Variants in UBR3 observed in about 807,000 individuals in gnomAD.
The protein encoded by UBR3 is ubiquitin protein ligase E3 component n-recognin 3.
Under a neutral mutation model 243.2 loss-of-function variants are expected in UBR3, and 85 were observed. The ratio of observed to expected loss-of-function variants is 0.35; its 90% confidence interval spans 0.29 to 0.42. The LOEUF is 0.42. Ranked by LOEUF, UBR3 falls within the 10% of genes least tolerant of loss-of-function variation. The pLI, the probability that UBR3 is intolerant of heterozygous loss-of-function variation, is 1.00. For synonymous variants in UBR3, 748 were observed against 799.8 expected (o/e 0.94, Z 1.09); for missense variants, 1,686 against 2,300.8 (o/e 0.73, Z 5.47).
At chr2:170,006,897 A>G (rs1380755269) in intron 27 of UBR3, 93 bp from the exon 28 acceptor site, 19 of 1,049,754 alleles carry the variant, frequency 1.8e-5, no homozygotes, top group Middle Eastern at 2.2e-4. Context: ...TCTTTTTTCT[A>G]TGGTTTATTA....
chr2:169,887,799 G>A (rs1363921526), intron 5 of UBR3, among the ~76,000 whole-genome samples: 5 of 147,310 alleles, frequency 3.4e-5, no homozygotes, highest in Admixed American at 6.8e-5. Flanking sequence ...TTTTTGAGAC[G>A]GAGTTTTGCT....
chr2:169,856,121 C>T (rs1393798876), intron 1 of UBR3, among the ~76,000 whole-genome samples: 4 of 147,408 alleles, frequency 2.7e-5, no homozygotes, highest in African/African-American at 7.8e-5. Context: ...CAGACGGGGG[C>T]AGCCGGTCAG....
intron 32 of UBR3, among the ~76,000 whole-genome samples, chr2:170,041,806 A>G (rs1224812220): frequency 6.6e-6 from 1 of 152,188 alleles, no homozygotes; most frequent in Non-Finnish European, 1.5e-5. Flanking sequence ...CCTTTTACCT[A>G]AGGGTGTGAA....
chr2:170,004,237 A>T (rs1334551811), intron 27 of UBR3, among the ~76,000 whole-genome samples: 1 of 152,166 alleles, frequency 6.6e-6, no homozygotes, highest in Non-Finnish European at 1.5e-5. Flanking sequence ...ATAGATTTGA[A>T]ATATATTTAG....
At chr2:169,925,465 A>AAATGT in intron 13 of UBR3, among the ~76,000 whole-genome samples, 154 bp from the exon 14 acceptor site, 1 of 152,322 alleles carries the variant, frequency 6.6e-6, no homozygotes, top group East Asian at 1.9e-4. Context: ...AAAAAATGTA[A>AAATGT]AAATGTATAT....
chr2:170,072,186 T>C lies in UBR3; in HGVS notation c.5020-1242T>C, dbSNP rs1280193356. The stretch of plus-strand genomic sequence containing the variant: ...TGGAACCAACCCAAATGTCCAACAA[T>C]GATAGACTGGATTAAGAAAATGTGG... On this transcript the variant is annotated intron_variant, in intron 35 of 38. Transcript: ENST00000272793. 7.2e-5 allele frequency among the ~76,000 whole-genome samples: 11 copies of C among 152,234 alleles called. No individual in the cohort carries two copies. In the South Asian group the frequency reaches 2.3e-3, roughly 32 times the overall value.
At chr2:169,925,837 A>G in intron 14 of UBR3, 90 bp downstream of exon 14, 1 of 1,213,684 alleles carries the variant, frequency 8.2e-7, no homozygotes, top group Non-Finnish European at 1.1e-6. Flanking sequence ...GCGTGATGAC[A>G]TGGAGAGGCC....
Position 169,850,328 on chromosome 2 carries a change from G to A in UBR3, c.546-21908G>A, listed in dbSNP as rs185110514. On this transcript the variant is annotated intron_variant, in intron 1 of 38. Coordinates refer to ENST00000272793, the MANE Select transcript of UBR3 (RefSeq NM_172070.4). ...CAAGTGGCTGGGACTAGAGGCACAC[G>A]CCACCATGCTTGGCCAATTTTAAAA... 8.7e-3 allele frequency among the ~76,000 whole-genome samples: 1,319 copies of A among 151,984 alleles called. 5 individuals are homozygous for A. Among genetic ancestry groups the A allele is most frequent in the Non-Finnish European group, 0.013 (869 of 67,954 alleles).
At chr2:170,057,719 T>G (rs2091365766) in intron 33 of UBR3, among the ~76,000 whole-genome samples, 1 of 152,160 alleles carries the variant, frequency 6.6e-6, no homozygotes, top group South Asian at 2.1e-4. Context: ...TAAAAAACAC[T>G]TAATAAAATA....
At chr2:169,875,364 C>G (rs2083567747) in intron 2 of UBR3, among the ~76,000 whole-genome samples, 1 of 152,132 alleles carries the variant, frequency 6.6e-6, no homozygotes. Flanking sequence ...GGGTGTCACT[C>G]TGTTGCCCAG....
chr2:169,900,886 A>G (rs986360771), intron 8 of UBR3, among the ~76,000 whole-genome samples: 2 of 152,162 alleles, frequency 1.3e-5, no homozygotes, highest in African/African-American at 4.8e-5. Context: ...TAGTTTTCCC[A>G]GAATAGCCTT....
In UBR3 at chr2:169,914,155, A is replaced by AT; in HGVS notation, c.1866+14dup. 1.4e-6 allele frequency: 2 copies of AT among 1,459,674 alleles called. No homozygotes were observed. Among genetic ancestry groups the AT allele is most frequent in the Admixed American group, 2.6e-5 (1 of 38,518 alleles). 90.4% of individuals were successfully genotyped at this position (1,459,674 alleles called of 1,614,324 possible). ...TTAACTTCGTAGACGAGGTATGTATATTTTTGATGTATGTAAATTTTTTGA... is the reference window on the plus strand; with the variant it reads ...TTAACTTCGTAGACGAGGTATGTATATTTTTTGATGTATGTAAATTTTTTGA... On this transcript the variant is annotated intron_variant, in intron 11 of 38. Coordinates refer to ENST00000272793, the MANE Select transcript of UBR3 (RefSeq NM_172070.4).
chr2:170,015,296 T>G lies in UBR3; in HGVS notation c.4383T>G (p.Leu1461=). 6.2e-7 allele frequency: 1 copy of G among 1,610,420 alleles called. No homozygotes were observed. The highest frequency in any genetic ancestry group is 1.3e-5 in the African/African-American group (1 of 74,902). The change falls in exon 30 of 39, where the codon CTT becomes CTG. Residue 1461 remains leucine, a synonymous_variant. Transcript: ENST00000272793. ...MYSVARTNLE[L]ELIHRGGNLC... ...TTACTTACAGAACCAATTTAGAACT[T>G]GAATTGATTCATCGAGGAGGCAATT...
At chr2:169,853,775 CG>C (rs1488275522) in intron 1 of UBR3, among the ~76,000 whole-genome samples, 2 of 103,642 alleles carry the variant, frequency 1.9e-5, no homozygotes, top group African/African-American at 3.0e-5. Flanking sequence ...AAAGGGACTT[CG>C]TTTTTTTTTT....
chr2:170,010,163 T>C (rs6723649), intron 29 of UBR3, among the ~76,000 whole-genome samples: 14,477 of 152,234 alleles, frequency 0.095, 830 homozygotes, highest in African/African-American at 0.16. Flanking sequence ...TAACATTTAG[T>C]ATTTTGTTTC....
intron 26 of UBR3, among the ~76,000 whole-genome samples, chr2:169,995,757 C>G (rs2089455545): frequency 6.6e-6 from 1 of 152,116 alleles, no homozygotes; most frequent in African/African-American, 2.4e-5. Context: ...TTCTTACAAA[C>G]TTAGTAGTTT....
chr2:170,007,106 C>T lies in UBR3; in HGVS notation c.4146C>T (p.Asn1382=). 1.2e-6 allele frequency: 2 copies of T among 1,613,372 alleles called. No individual in the cohort carries two copies. The highest frequency in any genetic ancestry group is 1.7e-6 in the Non-Finnish European group (2 of 1,179,904). ...PCYPGSNVEN[N]PWQRPSNKSI... is the part of the protein sequence containing the mutation. ...ATCCTGGAAGCAATGTGGAAAATAACCCTTGGCAACGTCCTAGCAACAAAA... is the reference window on the plus strand; with the variant it reads ...ATCCTGGAAGCAATGTGGAAAATAATCCTTGGCAACGTCCTAGCAACAAAA... The change falls in exon 28 of 39, where the codon AAC becomes AAT. Residue 1382 remains asparagine (N), a synonymous_variant. Transcript: ENST00000272793.
At chr2:169,971,221 A>G (rs767573022) in intron 24 of UBR3, among the ~76,000 whole-genome samples, 2,586 of 149,748 alleles carry the variant, frequency 0.017, 37 homozygotes, top group Middle Eastern at 0.044. Context: ...GATTATGGAT[A>G]TTAGCCCTTT....
At position 169,857,064 on chromosome 2, in the gene UBR3, G is replaced by GTTT. The variant is rs770674966; in HGVS notation, c.546-15147_546-15145dup. ...ATGATTTCCAGCATAATTTTATTAT[G>GTTT]TTTTTTTTTTTTTTTTTTTTTTTTT... On this transcript the variant is annotated intron_variant, in intron 1 of 38. Coordinates refer to ENST00000272793, the MANE Select transcript of UBR3 (RefSeq NM_172070.4). 3.9e-4 allele frequency among the ~76,000 whole-genome samples: 22 copies of GTTT among 56,090 alleles called. 4 individuals carry two copies. The highest frequency in any genetic ancestry group is 1.2e-3 in the Admixed American group (5 of 4,088). 36.8% of individuals were successfully genotyped at this position (56,090 alleles called of 152,430 possible). A position where few individuals can be genotyped will look rare whatever the true frequency, so the allele number is the denominator to read the frequency against.
Sources: allele counts gnomAD v4.1 joint callset (sites outside exome capture counted in the v4.1 genomes callset), GRCh38; gene constraint gnomAD v4.1.1; transcripts MANE v1.5; gene names NCBI Gene and HGNC (gene_info 2026-07-23, HGNC 2026-07-21).